Variants in DENND1A observed in about 807,000 individuals in gnomAD.
The protein encoded by DENND1A is DENN domain-containing protein 1A.
A neutral mutation model predicts 113.7 loss-of-function variants in DENND1A; 51 were observed. The observed-to-expected ratio is 0.45, with a 90% confidence interval of 0.36 to 0.57. The LOEUF is 0.57. Ranked by LOEUF, DENND1A falls within the 20% of genes least tolerant of loss-of-function variation. The probability of loss-of-function intolerance (pLI) is 0.00; values close to 1 mark genes in which losing one functional copy is unlikely to be tolerated. For synonymous variants in DENND1A, 565 were observed against 570.8 expected (o/e 0.99, Z 0.14); for missense variants, 1,258 against 1,395.9 (o/e 0.90, Z 1.57).
intron 12 of DENND1A, among the ~76,000 whole-genome samples, chr9:123,582,781 C>T (rs1430028658): frequency 6.6e-6 from 1 of 152,042 alleles, no homozygotes; most frequent in Non-Finnish European, 1.5e-5. Flanking sequence ...CTCAATGCAA[C>T]CTCCACCTCC....
chr9:123,803,860 C>A (rs557763066), intron 2 of DENND1A, among the ~76,000 whole-genome samples: 2 of 152,192 alleles, frequency 1.3e-5, no homozygotes, highest in Admixed American at 6.5e-5. Flanking sequence ...TCTCTTGGAC[C>A]CATGACAACC....
intron 20 of DENND1A, among the ~76,000 whole-genome samples, chr9:123,404,309 G>A (rs975963209): frequency 1.3e-5 from 2 of 152,180 alleles, no homozygotes; most frequent in Admixed American, 6.5e-5. Context: ...GCCCTTAGAA[G>A]GATACTCATT....
chr9:123,697,389 C>T (rs968776055), intron 5 of DENND1A, among the ~76,000 whole-genome samples: 3 of 152,130 alleles, frequency 2.0e-5, no homozygotes, highest in East Asian at 1.9e-4. Flanking sequence ...GAATTTTATT[C>T]TATTTTTATT....
intron 21 of DENND1A, among the ~76,000 whole-genome samples, chr9:123,395,811 C>T (rs139520347): frequency 1.1e-3 from 165 of 152,238 alleles, no homozygotes; most frequent in African/African-American, 3.7e-3. Flanking sequence ...TGTTACCGGA[C>T]GCCCCTACCC....
At chr9:123,693,326 C>A (rs1564960290) in intron 5 of DENND1A, among the ~76,000 whole-genome samples, 1 of 152,258 alleles carries the variant, frequency 6.6e-6, no homozygotes, top group East Asian at 1.9e-4. Context: ...AAATTCACTT[C>A]TTTTAAACAT....
intron 5 of DENND1A, among the ~76,000 whole-genome samples, chr9:123,750,627 C>T (rs939472931): frequency 6.6e-6 from 1 of 152,164 alleles, no homozygotes; most frequent in Non-Finnish European, 1.5e-5. Context: ...AACACAGTAT[C>T]CAGCTTACTT....
chr9:123,757,564 C>T (rs2070676087), intron 5 of DENND1A, 139 bp downstream of exon 5: 1 of 1,215,748 alleles, frequency 8.2e-7, no homozygotes, highest in African/African-American at 1.5e-5. Flanking sequence ...CTGTGAAGTC[C>T]TTCTCCCCAA....
At chr9:123,766,937 T>G (rs1828920112) in intron 4 of DENND1A, among the ~76,000 whole-genome samples, 1 of 152,234 alleles carries the variant, frequency 6.6e-6, no homozygotes. Flanking sequence ...GAAAGTTTTA[T>G]GACTGTTCCT....
At chr9:123,682,924 G>A (rs761644143) in intron 5 of DENND1A, among the ~76,000 whole-genome samples, 2 of 152,118 alleles carry the variant, frequency 1.3e-5, no homozygotes, top group Admixed American at 6.5e-5. Flanking sequence ...CAACCAGAAT[G>A]GGCAGGAAAA....
At chr9:123,927,543 A>C (rs1857323929) in intron 1 of DENND1A, among the ~76,000 whole-genome samples, 1 of 152,208 alleles carries the variant, frequency 6.6e-6, no homozygotes, top group Non-Finnish European at 1.5e-5. Context: ...CAATGCTCAT[A>C]ATAACCCTAC....
chr9:123,918,410 C>T (rs1855610952), intron 1 of DENND1A, among the ~76,000 whole-genome samples: 1 of 151,330 alleles, frequency 6.6e-6, no homozygotes, highest in South Asian at 2.1e-4. Flanking sequence ...ATGGCGTGAA[C>T]CCGGGAGGCG....
Position 123,427,856 on chromosome 9 carries a change from G to A in DENND1A, c.1488+12504C>T, listed in dbSNP as rs1412268462. On this transcript the variant is annotated intron_variant, in intron 19 of 23. Transcript: ENST00000394215. ...TCAGTCAGTCCAGCGAGTCAATGCC[G>A]TGCCTTGCGTGGGAGTTACTAGGAA... Among the ~76,000 whole-genome samples, 9 of 152,288 alleles carry A rather than the reference G, an allele frequency of 5.9e-5. No individual in the cohort carries two copies. In the East Asian group the frequency reaches 1.5e-3, roughly 26 times the overall value.
intron 10 of DENND1A, among the ~76,000 whole-genome samples, chr9:123,617,201 G>A (rs547247641): frequency 2.6e-5 from 4 of 152,316 alleles, no homozygotes; most frequent in South Asian, 2.1e-4. Context: ...AGCCCTCTCC[G>A]ATTTATGAGC....
chr9:123,585,558 G>A (rs1388678681), intron 11 of DENND1A, among the ~76,000 whole-genome samples: 2 of 152,180 alleles, frequency 1.3e-5, no homozygotes, highest in Non-Finnish European at 2.9e-5. Context: ...GGATTGTCCA[G>A]GACTCTCTAG....
chr9:123,868,090 T>G (rs1397455688), intron 2 of DENND1A, among the ~76,000 whole-genome samples: 2 of 152,138 alleles, frequency 1.3e-5, no homozygotes, highest in East Asian at 3.9e-4. Context: ...GCCAGTAAAT[T>G]CCCTTTGTTG....
intron 9 of DENND1A, among the ~76,000 whole-genome samples, chr9:123,631,888 A>C (rs1405558219): frequency 6.6e-6 from 1 of 152,016 alleles, no homozygotes; most frequent in Admixed American, 6.6e-5. Context: ...GGGAAAAAAA[A>C]CAACTTTTGG....
At chr9:123,916,965 A>T (rs1331608908) in intron 1 of DENND1A, among the ~76,000 whole-genome samples, 1 of 152,022 alleles carries the variant, frequency 6.6e-6, no homozygotes, top group Admixed American at 6.6e-5. Context: ...CAAAGTGGGC[A>T]GATCACTTGA....
At chr9:123,834,684 G>T (rs1161633826) in intron 2 of DENND1A, among the ~76,000 whole-genome samples, 1 of 152,112 alleles carries the variant, frequency 6.6e-6, no homozygotes, top group African/African-American at 2.4e-5. Flanking sequence ...TTTTCTCCAA[G>T]AAACAAAACG....
chr9:123,685,978 A>T (rs964468037), intron 5 of DENND1A, among the ~76,000 whole-genome samples: 1 of 150,548 alleles, frequency 6.6e-6, no homozygotes, highest in Non-Finnish European at 1.5e-5. Context: ...ATAGCCTAGG[A>T]AATACACTGT....
Sources: gnomAD v4.1 joint callset for allele counts (sites outside exome capture counted in the v4.1 genomes callset) on GRCh38, gnomAD v4.1.1 for gene constraint, MANE v1.5 for transcripts, NCBI Gene and HGNC (gene_info 2026-07-23, HGNC 2026-07-21) for gene names.